AKAP13: variants seen among roughly 807,000 people sequenced by gnomAD.
AKAP13 encodes A-kinase anchor protein 13.
A neutral mutation model predicts 264.5 loss-of-function variants in AKAP13; 80 were observed. The ratio of observed to expected loss-of-function variants is 0.30; its 90% CI spans 0.25 to 0.36. The LOEUF is 0.36. AKAP13 is among the 10% of genes least tolerant of loss of function. The probability of loss-of-function intolerance (pLI) is 1.00; values close to 1 mark genes in which losing one functional copy is unlikely to be tolerated. For missense variants in AKAP13, 3,712 were observed against 3,435.2 expected (o/e 1.08, Z -2.01); for synonymous variants, 1,380 against 1,250.2 (o/e 1.10, Z -2.19).
chr15:85,703,936 G>A (rs1652427086), intron 17 of AKAP13, among the ~76,000 whole-genome samples: 1 of 151,414 alleles, frequency 6.6e-6, no homozygotes, highest in South Asian at 2.1e-4. Flanking sequence ...TTTTAAACAA[G>A]AAGTTTAAAG....
intron 10 of AKAP13, among the ~76,000 whole-genome samples, chr15:85,654,495 C>T (rs2083008000): frequency 6.6e-6 from 1 of 152,036 alleles, no homozygotes; most frequent in African/African-American, 2.4e-5. Flanking sequence ...GTGATATTTA[C>T]TGAAAGAACT....
chr15:85,715,906 C>T lies in AKAP13; in HGVS notation c.5718C>T (p.Ser1906=), dbSNP rs1169258452. Residue 1906 remains serine, a synonymous_variant, in exon 20 of 37, where the codon TCC becomes TCT. Transcript: ENST00000394518. ...GTGTCTCGCTCTCCAAAAGTGTCTC[C>T]ATACAGAACATTACTGGGTAAGTGG... ...QQSVSLSKSV[S]IQNITGVGND... 6.2e-7 allele frequency: 1 copy of T among 1,612,300 alleles called. No homozygotes were observed. Among genetic ancestry groups the T allele is most frequent in the South Asian group, 1.1e-5 (1 of 90,882 alleles).
At chr15:85,730,194 A>T (rs988022224) in intron 29 of AKAP13, among the ~76,000 whole-genome samples, 9 of 152,224 alleles carry the variant, frequency 5.9e-5, no homozygotes, top group African/African-American at 1.7e-4. Flanking sequence ...GAGCTGGGAA[A>T]GCAGTTGCAG....
chr15:85,691,632 G>T (rs1269875602), intron 16 of AKAP13, among the ~76,000 whole-genome samples: 3 of 152,072 alleles, frequency 2.0e-5, no homozygotes, highest in Admixed American at 1.3e-4. Flanking sequence ...ACTTAATCTG[G>T]CACTTAGAGC....
intron 1 of AKAP13, among the ~76,000 whole-genome samples, chr15:85,445,759 T>C (rs553864658): frequency 1.3e-5 from 2 of 152,190 alleles, no homozygotes; most frequent in Non-Finnish European, 2.9e-5. Flanking sequence ...CTAAAAATTA[T>C]TCATATTTTT....
At chr15:85,533,919 G>T in intron 4 of AKAP13, 39 bp downstream of exon 4, 3 of 1,512,184 alleles carry the variant, frequency 2.0e-6, no homozygotes, top group Non-Finnish European at 2.7e-6. Context: ...CTTTAAGTTT[G>T]TGATATTTCT....
intron 3 of AKAP13, among the ~76,000 whole-genome samples, chr15:85,522,293 G>T (rs113302372): frequency 3.3e-5 from 5 of 152,230 alleles, no homozygotes; most frequent in African/African-American, 1.2e-4. Context: ...AAGTTCGAGG[G>T]CTGTGTGTTT....
chr15:85,579,588 G>A lies in AKAP13; in HGVS notation c.1520G>A (p.Arg507Lys), dbSNP rs763663018. 6.2e-6 allele frequency: 10 copies of A among 1,614,224 alleles called. No individual in the cohort carries two copies. In the South Asian group the frequency reaches 9.9e-5, roughly 16 times the overall value. The change falls in exon 7 of 37, where the codon AGA (arginine) becomes AAA (lysine). Residue 507 changes from arginine to lysine, a missense_variant. Physicochemically the swap from Arg to Lys is conservative, Grantham distance 26. Around this residue, in one of 3 missense-constraint regions of AKAP13, gnomAD observed 2,759 missense variants for 2,411.7 expected, o/e 1.14. Coordinates refer to ENST00000394518, the MANE Select transcript of AKAP13 (RefSeq NM_007200.5). Reference protein sequence around the residue: ...VLQGGESTKERFENSNIGTAG... With the variant: ...VLQGGESTKEKFENSNIGTAG... ...CAGGGAGGGGAAAGTACAAAGGAAAGATTTGAGAACTCTAATATTGGCACA... is the reference window on the plus strand; with the variant it reads ...CAGGGAGGGGAAAGTACAAAGGAAAAATTTGAGAACTCTAATATTGGCACA...
rs1194731809 is a variant in AKAP13 at position 85,521,653 on chromosome 15, G to C, written c.181+78G>C. The C allele has an allele frequency of 3.4e-6, 5 of 1,483,128 alleles. No individual in the cohort carries two copies. The African/African-American group carries it at 5.6e-5, about 17-fold the overall frequency. The allele number at this position is 1,483,128 out of a possible 1,614,324, so 91.9% of individuals were successfully genotyped here. A position where few individuals can be genotyped will look rare whatever the true frequency, so the allele number is the denominator to read the frequency against. ...TATTCGATGTTTATGAGTATAGAGT[G>C]ACAGGAAGAGTGAAGTGTAGACAGT... On this transcript the variant is annotated intron_variant, in intron 3 of 36. Coordinates refer to ENST00000394518, the MANE Select transcript of AKAP13 (RefSeq NM_007200.5).
chr15:85,633,122 TC>T (rs1321343327), intron 8 of AKAP13, among the ~76,000 whole-genome samples: 3 of 152,308 alleles, frequency 2.0e-5, no homozygotes, highest in Middle Eastern at 3.4e-3. Flanking sequence ...TGCCTCGGCC[TC>T]CCAAAGTGCT....
chr15:85,544,223 C>G, intron 5 of AKAP13: 1 of 566,770 alleles, frequency 1.8e-6, no homozygotes, highest in South Asian at 1.6e-5. Flanking sequence ...TACTATTTTA[C>G]TCAAAAGTCA....
chr15:85,630,209 A>ACACACAC, intron 8 of AKAP13, among the ~76,000 whole-genome samples: 1 of 30,500 alleles, frequency 3.3e-5, no homozygotes, highest in Non-Finnish European at 6.3e-5. Context: ...ACACACACAC[A>ACACACAC]TCATGAACTA....
rs1327313897 is a variant in AKAP13 at position 85,708,186 on chromosome 15, TTTTAATCA to T, written c.5532+104_5532+111del. ...TTGAGGTTGTGGTGGATTTTGTTTA[TTTTAATCA>T]TTTGGTACCAACTTTGAGAACAAAT... is the stretch of plus-strand genomic sequence containing the variant. On this transcript the variant is annotated intron_variant, in intron 18 of 36. Coordinates refer to ENST00000394518, the MANE Select transcript of AKAP13 (RefSeq NM_007200.5). The surrounding 1 kb of genome is among the most constrained non-coding windows in gnomAD (Gnocchi z 4.3). 8.8e-7 allele frequency: 1 copy of T among 1,136,108 alleles called. No homozygotes were observed. Among genetic ancestry groups the T allele is most frequent in the Admixed American group, 2.4e-5 (1 of 41,938 alleles). 70.4% of individuals were successfully genotyped at this position (1,136,108 alleles called of 1,614,324 possible). A position where few individuals can be genotyped will look rare whatever the true frequency, so the allele number is the denominator to read the frequency against.
intron 36 of AKAP13, chr15:85,744,090 C>G (rs1216096500): frequency 2.1e-6 from 1 of 466,524 alleles, no homozygotes; most frequent in East Asian, 3.7e-5. Flanking sequence ...GGAGCTCACC[C>G]CTCAATGAAG....
At chr15:85,584,037 T>C (rs1401207204) in intron 7 of AKAP13, among the ~76,000 whole-genome samples, 2 of 152,134 alleles carry the variant, frequency 1.3e-5, no homozygotes, top group Non-Finnish European at 2.9e-5. Context: ...CTTCAGAAAA[T>C]GGCCAGGATT....
intron 5 of AKAP13, among the ~76,000 whole-genome samples, chr15:85,566,770 G>T (rs1284394918): frequency 6.6e-6 from 1 of 151,748 alleles, no homozygotes; most frequent in East Asian, 1.9e-4. Context: ...GGGATTACAG[G>T]TGTGTGCCAC....
At chr15:85,558,198 A>G (rs1045645690) in intron 5 of AKAP13, among the ~76,000 whole-genome samples, 1 of 152,232 alleles carries the variant, frequency 6.6e-6, no homozygotes, top group African/African-American at 2.4e-5. Context: ...GTGCAGTGCT[A>G]TTATGAGGGA....
chr15:85,391,108 A>C (rs2070833387), intron 1 of AKAP13, among the ~76,000 whole-genome samples: 2 of 152,248 alleles, frequency 1.3e-5, no homozygotes, highest in Non-Finnish European at 1.5e-5. Context: ...TAATCATGAC[A>C]GTCATAAAAC....
At chr15:85,543,130 G>C (rs1177587937) in intron 4 of AKAP13, among the ~76,000 whole-genome samples, 1 of 152,154 alleles carries the variant, frequency 6.6e-6, no homozygotes, top group Non-Finnish European at 1.5e-5. Context: ...GATTGTCTTA[G>C]AGTTAGTCTT....
Sources: gnomAD v4.1 joint callset for allele counts (sites outside exome capture counted in the v4.1 genomes callset) on GRCh38, gnomAD v4.1.1 for gene constraint, gnomAD v4.1.1 regional missense constraint, Gnocchi (gnomAD v3.1) non-coding constraint, MANE v1.5 for transcripts, NCBI Gene and HGNC (gene_info 2026-07-23, HGNC 2026-07-21) for gene names.